Variants in SPOCK1 observed in about 807,000 individuals in gnomAD.
The protein encoded by SPOCK1 is SPARC (osteonectin), cwcv and kazal like domains proteoglycan 1, also known as testican-1.
In SPOCK1, 23 loss-of-function variants were observed where a neutral mutation model predicts 55.3. The observed-to-expected ratio is 0.42, with a 90% CI of 0.30 to 0.59. The LOEUF (loss-of-function observed/expected upper bound fraction) is 0.59, where lower values mean the gene tolerates loss of function less well. Ranked by LOEUF, SPOCK1 falls within the 20% of genes least tolerant of loss-of-function variation. The pLI is 0.22. For synonymous variants in SPOCK1, 226 were observed against 221.0 expected, an observed-to-expected ratio of 1.02 and a Z score of -0.20; for missense variants, 499 against 552.5, an observed-to-expected ratio of 0.90 and a Z score of 0.97.
At chr5:137,135,103 C>A (rs1260894709) in intron 4 of SPOCK1, among the ~76,000 whole-genome samples, 1 of 152,218 alleles carries the variant, frequency 6.6e-6, no homozygotes, top group Non-Finnish European at 1.5e-5. Context: ...CACTGCTCCC[C>A]AGAGGCTTCG....
At chr5:137,239,641 T>C (rs190185452) in intron 3 of SPOCK1, among the ~76,000 whole-genome samples, 1 of 152,156 alleles carries the variant, frequency 6.6e-6, no homozygotes, top group Non-Finnish European at 1.5e-5. Flanking sequence ...CCAGTTAATG[T>C]CCACAGAGAA....
intron 6 of SPOCK1, among the ~76,000 whole-genome samples, chr5:137,037,693 C>T (rs1188686665): frequency 6.6e-6 from 1 of 152,136 alleles, no homozygotes; most frequent in Non-Finnish European, 1.5e-5. Flanking sequence ...TCCTTGAACT[C>T]ATGGGAGTCG....
chr5:137,366,113 G>C (rs1009064469), intron 2 of SPOCK1, among the ~76,000 whole-genome samples: 1 of 152,110 alleles, frequency 6.6e-6, no homozygotes, highest in African/African-American at 2.4e-5. Context: ...CAGTGAGCAG[G>C]AAACAGACAA....
intron 2 of SPOCK1, among the ~76,000 whole-genome samples, chr5:137,348,419 T>C (rs926457221): frequency 1.3e-5 from 2 of 151,562 alleles, no homozygotes. Context: ...CTTGGTGATT[T>C]TGTACCCTTT....
chr5:137,009,657 A>G (rs995921869), intron 6 of SPOCK1, among the ~76,000 whole-genome samples: 1 of 152,200 alleles, frequency 6.6e-6, no homozygotes, highest in African/African-American at 2.4e-5. Context: ...GCACCAATCC[A>G]TCTGTTCTCA....
chr5:137,140,747 A>ATTTTTTTTTT (rs11309240), intron 3 of SPOCK1, 53 bp from the exon 4 acceptor site: 4 of 352,310 alleles, frequency 1.1e-5, no homozygotes, highest in African/African-American at 3.6e-5. Flanking sequence ...GGGAAATTTA[A>ATTTTTTTTTT]TTTTTTTTTT....
At chr5:137,017,888 G>A (rs1751478927) in intron 6 of SPOCK1, among the ~76,000 whole-genome samples, 1 of 152,206 alleles carries the variant, frequency 6.6e-6, no homozygotes, top group Admixed American at 6.5e-5. Context: ...CACCGTGGAA[G>A]ACAGCCTATG....
intron 2 of SPOCK1, among the ~76,000 whole-genome samples, chr5:137,457,195 T>C (rs1753384499): frequency 6.6e-6 from 1 of 152,196 alleles, no homozygotes; most frequent in Non-Finnish European, 1.5e-5. Flanking sequence ...CATACACAGA[T>C]ACCTGCAGAG....
Position 137,454,961 on chromosome 5 carries a change from A to T in SPOCK1, c.186+43412T>A, listed in dbSNP as rs537100573. On this transcript the variant is annotated intron_variant, in intron 2 of 10. Coordinates refer to ENST00000394945, the MANE Select transcript of SPOCK1 (RefSeq NM_004598.4). ...TTCCATTGTTTTTTACCAAGAAAAA[A>T]TAATACATGAGAAAATGGTCTCTCT... is the stretch of plus-strand genomic sequence containing the variant. Among the ~76,000 whole-genome samples the T allele has an allele frequency of 9.9e-4, 151 of 152,346 alleles. 1 individual carries two copies. The highest frequency in any genetic ancestry group is 3.4e-3 in the African/African-American group (142 of 41,588).
intron 2 of SPOCK1, among the ~76,000 whole-genome samples, chr5:137,389,803 A>G (rs533622934): frequency 2.0e-5 from 3 of 152,352 alleles, no homozygotes; most frequent in African/African-American, 7.2e-5. Flanking sequence ...TGTCTCTTTA[A>G]GGTTCTGATG....
At chr5:137,421,002 G>A (rs1458050423) in intron 2 of SPOCK1, among the ~76,000 whole-genome samples, 2 of 152,126 alleles carry the variant, frequency 1.3e-5, no homozygotes, top group African/African-American at 2.4e-5. Flanking sequence ...TTGTGTCTTT[G>A]TTCTCATTGG....
chr5:137,460,752 A>T (rs924626605), intron 2 of SPOCK1, among the ~76,000 whole-genome samples: 1 of 138,746 alleles, frequency 7.2e-6, no homozygotes, highest in South Asian at 2.2e-4. Flanking sequence ...TATGATCTAC[A>T]AAGCTCTACA....
chr5:137,234,048 G>C (rs552118764), intron 3 of SPOCK1, among the ~76,000 whole-genome samples: 1 of 152,256 alleles, frequency 6.6e-6, no homozygotes, highest in South Asian at 2.1e-4. Context: ...AGGTCCATGA[G>C]GATGAGAAGA....
chr5:137,477,369 G>T (rs1255524969), intron 2 of SPOCK1, among the ~76,000 whole-genome samples: 2 of 151,850 alleles, frequency 1.3e-5, no homozygotes, highest in East Asian at 3.9e-4. Flanking sequence ...TTTTGTTTGT[G>T]TTTTTTTTAA....
Position 137,489,540 on chromosome 5 carries a change from T to G in SPOCK1, c.186+8833A>C, listed in dbSNP as rs80238781. On this transcript the variant is annotated intron_variant, in intron 2 of 10. Coordinates refer to ENST00000394945, the MANE Select transcript of SPOCK1 (RefSeq NM_004598.4). ...TTAAGTGGGGGACCAGAGTGAGGGA[T>G]GTTTATACAATAGAGATGGCTGCAG... Among the ~76,000 whole-genome samples the G allele has an allele frequency of 3.0e-3, 452 of 152,236 alleles. 2 individuals are homozygous for G. Among genetic ancestry groups the G allele is most frequent in the African/African-American group, 0.011 (439 of 41,536 alleles).
At chr5:137,350,685 T>C (rs1236496892) in intron 2 of SPOCK1, among the ~76,000 whole-genome samples, 1 of 152,158 alleles carries the variant, frequency 6.6e-6, no homozygotes, top group African/African-American at 2.4e-5. Flanking sequence ...TTCCTCATCC[T>C]CTTGTTTTCA....
At chr5:137,426,724 C>G (rs960810306) in intron 2 of SPOCK1, among the ~76,000 whole-genome samples, 1 of 152,162 alleles carries the variant, frequency 6.6e-6, no homozygotes, top group African/African-American at 2.4e-5. Context: ...AAGTGCCACC[C>G]AGTTATTTCT....
chr5:137,116,726 C>T (rs1580759036), intron 4 of SPOCK1, among the ~76,000 whole-genome samples: 1 of 152,148 alleles, frequency 6.6e-6, no homozygotes, highest in East Asian at 1.9e-4. Context: ...CTGTCCCAGC[C>T]TACCTTCACA....
intron 7 of SPOCK1, among the ~76,000 whole-genome samples, chr5:136,991,140 A>T (rs533909757): frequency 2.1e-4 from 32 of 152,308 alleles, no homozygotes; most frequent in African/African-American, 7.7e-4. Context: ...CTTCTGGAGA[A>T]ATCTCCAGAG....
Sources: gnomAD v4.1 joint callset for allele counts (sites outside exome capture counted in the v4.1 genomes callset) on GRCh38, gnomAD v4.1.1 for gene constraint, MANE v1.5 for transcripts, NCBI Gene and HGNC (gene_info 2026-07-23, HGNC 2026-07-21) for gene names.